MTMR10: variants seen among roughly 807,000 people sequenced by gnomAD.
MTMR10 encodes myotubularin-related protein 10.
In MTMR10, 56 loss-of-function variants were observed where a neutral mutation model predicts 88.1. The ratio of observed to expected loss-of-function variants is 0.64; its 90% CI spans 0.51 to 0.79. MTMR10 has a LOEUF of 0.79. Among genes scored for constraint, MTMR10 ranks in the 30% least tolerant of loss-of-function variants. The pLI, the probability that MTMR10 is intolerant of heterozygous loss-of-function variation, is 0.00. For synonymous variants in MTMR10, 380 were observed against 340.9 expected, an observed-to-expected ratio of 1.11 and a Z score of -1.26; for missense variants, 883 against 924.7, an observed-to-expected ratio of 0.95 and a Z score of 0.58.
chr15:30,959,139 A>AAT lies in MTMR10; in HGVS notation c.759-20_759-19dup. 1 of 1,559,950 alleles carries AAT rather than the reference A, an allele frequency of 6.4e-7. No individual in the cohort carries two copies. Among genetic ancestry groups the AAT allele is most frequent in the Non-Finnish European group, 8.7e-7 (1 of 1,147,770 alleles). On this transcript the variant is annotated intron_variant, in intron 7 of 15. Transcript: ENST00000435680. ...CTGGAAGGCTGGAGGGGAAAAAAAA[A>AAT]ATTATATGAGTGCTGTGCTAAAAGC...
chr15:30,930,826 C>T, the MTMR10 span, among the ~76,000 whole-genome samples: 2 of 152,190 alleles, frequency 1.3e-5, no homozygotes, highest in East Asian at 1.9e-4. Flanking sequence ...CTGTCCCCTG[C>T]GACTGGCTTC....
At chr15:30,957,798 G>C (rs2063348070) in intron 9 of MTMR10, among the ~76,000 whole-genome samples, 2 of 152,190 alleles carry the variant, frequency 1.3e-5, no homozygotes, top group African/African-American at 2.4e-5. Flanking sequence ...AAGAGCGCTG[G>C]ACAATGTCAG....
chr15:30,930,473 TG>T, the MTMR10 span: 1 of 1,522,892 alleles, frequency 6.6e-7, no homozygotes, highest in South Asian at 1.3e-5. Context: ...CTCCGTCTCG[TG>T]ATCCCTGGAG....
chr15:30,976,866 T>C lies in MTMR10; in HGVS notation c.211A>G (p.Ser71Gly). 6.2e-7 allele frequency: 1 copy of C among 1,613,962 alleles called. No homozygotes were observed. Among genetic ancestry groups the C allele is most frequent in the Non-Finnish European group, 8.5e-7 (1 of 1,179,840 alleles). The change falls in exon 3 of 16, where the codon AGT (serine) becomes GGT (glycine). Residue 71 changes from serine to glycine, a missense_variant. Ser to Gly is a moderately conservative substitution (Grantham distance 56). Transcript: ENST00000435680. ...GTAATAAAGGAGATTTTGAAGTTACTGCATATCAGCTTTCCCCACAAATCG... is the reference window on the plus strand; with the variant it reads ...GTAATAAAGGAGATTTTGAAGTTACCGCATATCAGCTTTCCCCACAAATCG... ...QYDLWGKLIC[S>G]NFKISFITDD...
chr15:30,944,011 A>G (rs553381051), intron 14 of MTMR10: 1 of 985,200 alleles, frequency 1.0e-6, no homozygotes, highest in East Asian at 1.1e-4. Flanking sequence ...GTACTCTCCA[A>G]ATTTTCTACC....
At chr15:30,955,446 AT>A (rs1468552328) in intron 9 of MTMR10, among the ~76,000 whole-genome samples, 1 of 152,142 alleles carries the variant, frequency 6.6e-6, no homozygotes, top group Non-Finnish European at 1.5e-5. Flanking sequence ...AAATTTCTGT[AT>A]TTTTAGTAGA....
chr15:30,956,835 C>T (rs1368760037), intron 9 of MTMR10, among the ~76,000 whole-genome samples: 1 of 152,190 alleles, frequency 6.6e-6, no homozygotes, highest in Non-Finnish European at 1.5e-5. Flanking sequence ...CCTTTAACAG[C>T]AAAATTCCTA....
At chr15:30,925,962 G>A in the MTMR10 span, 94 of 1,612,504 alleles carry the variant, frequency 5.8e-5, 3 homozygotes, top group East Asian at 1.5e-3. Flanking sequence ...GCTTTCTCTT[G>A]TGGCACCCAG....
At chr15:30,975,667 A>C (rs183394057) in intron 3 of MTMR10, among the ~76,000 whole-genome samples, 1 of 152,334 alleles carries the variant, frequency 6.6e-6, no homozygotes, top group East Asian at 1.9e-4. Context: ...ATTTAGTCTA[A>C]ATATACCTAC....
chr15:30,990,144 A>G (rs2031216786), intron 2 of MTMR10, among the ~76,000 whole-genome samples: 1 of 152,108 alleles, frequency 6.6e-6, no homozygotes, highest in Non-Finnish European at 1.5e-5. Context: ...GGGACAAAAA[A>G]AAATTGGCAA....
intron 2 of MTMR10, among the ~76,000 whole-genome samples, chr15:30,988,273 G>A (rs888571565): frequency 6.6e-6 from 1 of 152,168 alleles, no homozygotes; most frequent in African/African-American, 2.4e-5. Context: ...GAACAGAAGG[G>A]GAGAGGAAGG....
chr15:30,947,987 A>T (rs938072069), intron 13 of MTMR10, among the ~76,000 whole-genome samples: 4 of 152,224 alleles, frequency 2.6e-5, no homozygotes, highest in Non-Finnish European at 4.4e-5. Context: ...AGAAAATATG[A>T]TATTCCAAAA....
At chr15:30,966,266 T>C (rs2063471207) in intron 6 of MTMR10, among the ~76,000 whole-genome samples, 1 of 152,206 alleles carries the variant, frequency 6.6e-6, no homozygotes, top group Non-Finnish European at 1.5e-5. Flanking sequence ...ATTCCAGTAG[T>C]AGAAGACCTA....
rs1328354415 is a variant in MTMR10 at position 30,940,285 on chromosome 15, T to TGAG, written c.*1184_*1185insCTC. On this transcript the variant is annotated 3_prime_UTR_variant, in exon 16 of 16. Transcript: ENST00000435680. ...CACACAGTTTGGAAATACTTTACTTTAGAGAGATTCAGATCAAGCAAACAA... is the reference window on the plus strand; with the variant it reads ...CACACAGTTTGGAAATACTTTACTTTGAGAGAGAGATTCAGATCAAGCAAACAA... 2.6e-5 allele frequency: 25 copies of TGAG among 960,948 alleles called. No homozygotes were observed. In the African/African-American group the frequency reaches 4.5e-4, roughly 17 times the overall value. The allele number at this position is 960,948 out of a possible 1,614,324, so 59.5% of individuals were successfully genotyped here. A position where few individuals can be genotyped will look rare whatever the true frequency, so the allele number is the denominator to read the frequency against.
intron 5 of MTMR10, 62 bp downstream of exon 5, chr15:30,974,252 C>A: frequency 2.3e-6 from 3 of 1,312,616 alleles, no homozygotes; most frequent in Non-Finnish European, 3.0e-6. Flanking sequence ...AACTGCCATA[C>A]GGAATTGAAA....
intron 14 of MTMR10, chr15:30,943,493 G>T: frequency 9.1e-6 from 9 of 985,456 alleles, no homozygotes; most frequent in Non-Finnish European, 1.1e-5. Flanking sequence ...TCTTTGGATG[G>T]AAATCACTGC....
intron 15 of MTMR10, 167 bp from the exon 16 acceptor site, chr15:30,942,239 A>AATT: frequency 2.3e-6 from 2 of 869,520 alleles, no homozygotes; most frequent in East Asian, 2.5e-5. Context: ...CCTCCCCTGG[A>AATT]ATTACACTTT....
chr15:30,957,276 G>A (rs1281680308), intron 9 of MTMR10, among the ~76,000 whole-genome samples: 4 of 152,106 alleles, frequency 2.6e-5, no homozygotes, highest in South Asian at 4.2e-4. Context: ...AACGACAGGC[G>A]GTAATCAAAC....
downstream of MTMR10, among the ~76,000 whole-genome samples, chr15:30,938,714 T>C (rs1457047683): frequency 6.6e-6 from 1 of 152,194 alleles, no homozygotes; most frequent in Non-Finnish European, 1.5e-5. Context: ...TTTATATTTA[T>C]TTATTGAATG....
Sources: allele counts gnomAD v4.1 joint callset (sites outside exome capture counted in the v4.1 genomes callset), GRCh38; gene constraint gnomAD v4.1.1; transcripts MANE v1.5; gene names NCBI Gene and HGNC (gene_info 2026-07-23, HGNC 2026-07-21).